NEBL: variants seen among roughly 807,000 people sequenced by gnomAD.
NEBL encodes the protein nebulette.
NEBL carries 122 observed loss-of-function variants against 140.2 expected under a neutral mutation model. That is an observed-to-expected ratio of 0.87 (90% CI 0.75 to 1.01). The LOEUF (loss-of-function observed/expected upper bound fraction) is 1.01. Ranked by LOEUF, NEBL falls within the 50% of genes least tolerant of loss-of-function variation. The pLI, the probability that NEBL is intolerant of heterozygous loss-of-function variation, is 0.00. For synonymous variants in NEBL, 436 were observed against 398.9 expected, an observed-to-expected ratio of 1.09 and a Z score of -1.11; for missense variants, 1,365 against 1,231.3, an observed-to-expected ratio of 1.11 and a Z score of -1.62.
chr10:20,811,390 T>C (rs1451928129), intron 24 of NEBL, among the ~76,000 whole-genome samples: 1 of 152,164 alleles, frequency 6.6e-6, no homozygotes, highest in Non-Finnish European at 1.5e-5. Context: ...CTAAGTGAGA[T>C]AAATCAGAAC....
chr10:21,244,955 G>C (rs549630230), intron 3 of NEBL, among the ~76,000 whole-genome samples: 1 of 145,254 alleles, frequency 6.9e-6, no homozygotes, highest in Non-Finnish European at 1.5e-5. Flanking sequence ...CCATGAATTC[G>C]AGACCAGCCT....
intron 2 of NEBL, among the ~76,000 whole-genome samples, chr10:21,126,398 C>G (rs1838836580): frequency 6.6e-6 from 1 of 151,600 alleles, no homozygotes; most frequent in Admixed American, 6.6e-5. Flanking sequence ...GCTCAAAGAT[C>G]AGAGAGAGAG....
At chr10:21,211,727 T>C (rs1450410003) in intron 3 of NEBL, among the ~76,000 whole-genome samples, 2 of 152,160 alleles carry the variant, frequency 1.3e-5, no homozygotes, top group Non-Finnish European at 2.9e-5. Context: ...TTGTGACAAA[T>C]GTTTGTTGTG....
intron 2 of NEBL, among the ~76,000 whole-genome samples, chr10:21,050,253 C>T (rs905156057): frequency 2.0e-5 from 3 of 152,180 alleles, no homozygotes; most frequent in East Asian, 1.9e-4. Flanking sequence ...TGTATTCTCA[C>T]GGAAACTATC....
In NEBL at chr10:20,829,053, A is replaced by G. The variant is rs74120687; in HGVS notation, c.1672-419T>C. Among the ~76,000 whole-genome samples, 526 of 152,260 alleles carry G rather than the reference A, an allele frequency of 3.5e-3. 5 individuals are homozygous for G. Among genetic ancestry groups the G allele is most frequent in the African/African-American group, 0.012 (482 of 41,570 alleles). ...GGGTATTGTTCTAAATACTTAACAC[A>G]CACTAACTCATTTAATCAACCTGAC... On this transcript the variant is annotated intron_variant, in intron 16 of 27. Coordinates refer to ENST00000377122, the MANE Select transcript of NEBL (RefSeq NM_006393.3).
chr10:20,878,821 CT>C (rs1337041256), intron 5 of NEBL, among the ~76,000 whole-genome samples: 1 of 152,148 alleles, frequency 6.6e-6, no homozygotes, highest in South Asian at 2.1e-4. Context: ...GAGAAAAGGG[CT>C]TTATACTCTA....
At chr10:20,925,340 T>C (rs145675376) in intron 4 of NEBL, among the ~76,000 whole-genome samples, 77 of 152,320 alleles carry the variant, frequency 5.1e-4, no homozygotes, top group African/African-American at 1.8e-3. Flanking sequence ...AATATTTGTA[T>C]CAACATTAGG....
chr10:21,168,956 G>A (rs1840923557), intron 2 of NEBL, among the ~76,000 whole-genome samples: 1 of 148,396 alleles, frequency 6.7e-6, no homozygotes, highest in Non-Finnish European at 1.5e-5. Flanking sequence ...GGCTGAGGCA[G>A]CAGAATGGCA....
chr10:20,830,762 G>C (rs1333156898), intron 16 of NEBL, among the ~76,000 whole-genome samples: 3 of 151,324 alleles, frequency 2.0e-5, no homozygotes, highest in African/African-American at 7.3e-5. Context: ...GAAAGAAAAG[G>C]TTAAAATATC....
At chr10:20,905,093 C>A (rs1588987149) in intron 4 of NEBL, among the ~76,000 whole-genome samples, 2 of 152,118 alleles carry the variant, frequency 1.3e-5, no homozygotes, top group East Asian at 1.9e-4. Flanking sequence ...TTCAAGGAAA[C>A]AAAGGAAAGG....
At chr10:21,164,334 T>G (rs990722667) in intron 2 of NEBL, among the ~76,000 whole-genome samples, 2 of 152,194 alleles carry the variant, frequency 1.3e-5, no homozygotes, top group African/African-American at 2.4e-5. Context: ...AAGGGTGTCA[T>G]GCATGGCTAT....
At chr10:20,862,599 G>A (rs1257552747) in intron 7 of NEBL, among the ~76,000 whole-genome samples, 1 of 152,130 alleles carries the variant, frequency 6.6e-6, no homozygotes, top group East Asian at 1.9e-4. Flanking sequence ...CCTCATGCAG[G>A]TTTGCATCTT....
chr10:21,062,284 G>C (rs898321183), intron 2 of NEBL, among the ~76,000 whole-genome samples: 6 of 151,964 alleles, frequency 3.9e-5, no homozygotes, highest in African/African-American at 1.5e-4. Context: ...TTAAGGGGAG[G>C]GGAAAGAAGA....
chr10:20,840,579 TA>T (rs922429765), intron 13 of NEBL, among the ~76,000 whole-genome samples, 159 bp downstream of exon 13: 3 of 151,980 alleles, frequency 2.0e-5, no homozygotes, highest in African/African-American at 2.4e-5. Flanking sequence ...AAGGGGATTT[TA>T]AAAAAAATTA....
At chr10:21,195,644 A>G (rs1351050770) in intron 3 of NEBL, among the ~76,000 whole-genome samples, 2 of 152,210 alleles carry the variant, frequency 1.3e-5, no homozygotes, top group East Asian at 3.9e-4. Context: ...TTTTTATACC[A>G]TGTAACCACA....
intron 3 of NEBL, among the ~76,000 whole-genome samples, chr10:20,982,361 C>A (rs980480984): frequency 5.4e-5 from 8 of 147,876 alleles, no homozygotes; most frequent in Non-Finnish European, 1.0e-4. Context: ...GCAAGGGTAT[C>A]CTATTTTTTT....
chr10:21,035,103 A>T (rs1385460691), intron 2 of NEBL, among the ~76,000 whole-genome samples: 2 of 151,928 alleles, frequency 1.3e-5, no homozygotes, highest in African/African-American at 4.8e-5. Context: ...GGCCCAAGTG[A>T]TTATCATGTC....
chr10:20,922,767 C>A (rs181739872), intron 4 of NEBL, among the ~76,000 whole-genome samples: 1 of 147,978 alleles, frequency 6.8e-6, no homozygotes, highest in Non-Finnish European at 1.5e-5. Context: ...TCGAGCCATC[C>A]CATCCCTTCC....
intron 26 of NEBL, among the ~76,000 whole-genome samples, chr10:20,796,386 A>AC (rs1408383127): frequency 1.3e-5 from 2 of 151,138 alleles, no homozygotes; most frequent in Non-Finnish European, 3.0e-5. Context: ...AAAAAAAAAA[A>AC]AAAAAAAACT....
Sources: allele counts gnomAD v4.1 joint callset (sites outside exome capture counted in the v4.1 genomes callset), GRCh38; gene constraint gnomAD v4.1.1; transcripts MANE v1.5; gene names NCBI Gene and HGNC (gene_info 2026-07-23, HGNC 2026-07-21).